NRXN3: variants seen among roughly 807,000 people sequenced by gnomAD.
NRXN3 encodes neurexin III.
In NRXN3, 32 loss-of-function variants were observed where a neutral mutation model predicts 137.6. The observed-to-expected ratio is 0.23, with a 90% CI of 0.18 to 0.31. The LOEUF (loss-of-function observed/expected upper bound fraction) is 0.31, where lower values mean the gene tolerates loss of function less well. NRXN3 is among the 10% of genes least tolerant of loss of function. NRXN3 has a pLI of 1.00. For missense variants in NRXN3, 1,574 were observed against 2,062.5 expected, an observed-to-expected ratio of 0.76 and a Z score of 4.59; for synonymous variants, 798 against 784.5, an observed-to-expected ratio of 1.02 and a Z score of -0.29.
chr14:78,891,773 T>G (rs2099159657), intron 10 of NRXN3, among the ~76,000 whole-genome samples: 2 of 152,048 alleles, frequency 1.3e-5, no homozygotes, highest in African/African-American at 4.8e-5. Context: ...TAAATATTCT[T>G]ACCATACACA....
At chr14:78,457,964 CG>C (rs941823934) in intron 4 of NRXN3, among the ~76,000 whole-genome samples, 2 of 152,110 alleles carry the variant, frequency 1.3e-5, no homozygotes, top group Non-Finnish European at 2.9e-5. Flanking sequence ...AGACACCCCC[CG>C]CTCCAGTTTA....
At chr14:78,387,209 A>T (rs1404230864) in intron 4 of NRXN3, among the ~76,000 whole-genome samples, 1 of 152,210 alleles carries the variant, frequency 6.6e-6, no homozygotes, top group Non-Finnish European at 1.5e-5. Context: ...CTAATTTAAT[A>T]TTGAAGGAAA....
intron 4 of NRXN3, among the ~76,000 whole-genome samples, chr14:78,302,643 G>A (rs987052172): frequency 5.3e-5 from 8 of 152,118 alleles, no homozygotes; most frequent in Non-Finnish European, 1.0e-4. Flanking sequence ...CCCCACTAAG[G>A]GAGGCACTTC....
intron 8 of NRXN3, among the ~76,000 whole-genome samples, chr14:78,727,913 C>T (rs963202371): frequency 7.2e-5 from 11 of 152,110 alleles, no homozygotes; most frequent in African/African-American, 1.9e-4. Flanking sequence ...ATGATTTTGA[C>T]GAGTGTCAGC....
chr14:79,373,976 C>T (rs867467778), intron 15 of NRXN3, among the ~76,000 whole-genome samples: 11 of 152,070 alleles, frequency 7.2e-5, no homozygotes, highest in African/African-American at 2.4e-4. Flanking sequence ...GAAAATGTCC[C>T]TCATGAGGTA....
intron 20 of NRXN3, among the ~76,000 whole-genome samples, chr14:79,849,862 A>G (rs1414998154): frequency 6.6e-6 from 1 of 152,126 alleles, no homozygotes; most frequent in Non-Finnish European, 1.5e-5. Context: ...CCCTTTTCTG[A>G]GCACCCTCCA....
chr14:79,111,760 G>A (rs1278485149), intron 15 of NRXN3, among the ~76,000 whole-genome samples: 1 of 150,924 alleles, frequency 6.6e-6, no homozygotes, highest in African/African-American at 2.4e-5. Flanking sequence ...AAGTTTATTA[G>A]CAAGTATAAA....
intron 6 of NRXN3, among the ~76,000 whole-genome samples, chr14:78,662,410 A>G (rs182458472): frequency 8.3e-4 from 126 of 152,210 alleles, no homozygotes; most frequent in Admixed American, 2.0e-3. Flanking sequence ...AATGTGGCCC[A>G]TATATCCTTA....
At chr14:79,140,446 G>A (rs990036812) in intron 15 of NRXN3, among the ~76,000 whole-genome samples, 1 of 152,132 alleles carries the variant, frequency 6.6e-6, no homozygotes, top group African/African-American at 2.4e-5. Flanking sequence ...CTTCCAATGA[G>A]GTTAGAATCA....
At chr14:78,430,154 C>T (rs77717597) in intron 4 of NRXN3, among the ~76,000 whole-genome samples, 11,001 of 152,260 alleles carry the variant, frequency 0.072, 1,144 homozygotes, top group African/African-American at 0.23. Context: ...GGGAAGACCA[C>T]ATGAGCCCAG....
chr14:78,831,156 G>A (rs368969590), intron 10 of NRXN3, among the ~76,000 whole-genome samples: 61 of 152,244 alleles, frequency 4.0e-4, no homozygotes, highest in African/African-American at 1.2e-3. Context: ...CCAAGGTCAC[G>A]TAACTTACTC....
chr14:79,165,389 CA>C (rs557766352), intron 15 of NRXN3, among the ~76,000 whole-genome samples: 47 of 151,978 alleles, frequency 3.1e-4, no homozygotes, highest in Non-Finnish European at 6.0e-4. Flanking sequence ...CTGTGAATCA[CA>C]AAGTTGTGGC....
At chr14:78,334,880 AGG>A (rs2081273030) in intron 4 of NRXN3, among the ~76,000 whole-genome samples, 1 of 152,144 alleles carries the variant, frequency 6.6e-6, no homozygotes, top group South Asian at 2.1e-4. Flanking sequence ...AACACCTACT[AGG>A]GCTGGACGGA....
intron 19 of NRXN3, among the ~76,000 whole-genome samples, chr14:79,761,803 C>A (rs529213542): frequency 1.3e-5 from 2 of 150,946 alleles, no homozygotes; most frequent in East Asian, 3.9e-4. Context: ...GAAGCTAAAT[C>A]TACTCATATA....
chr14:78,376,764 AG>A (rs2087927430), intron 4 of NRXN3, among the ~76,000 whole-genome samples: 1 of 152,224 alleles, frequency 6.6e-6, no homozygotes, highest in Non-Finnish European at 1.5e-5. Context: ...CCAGCTGAAT[AG>A]CCCAGAAATA....
chr14:79,613,368 G>T (rs905105562), intron 16 of NRXN3, among the ~76,000 whole-genome samples: 2 of 152,194 alleles, frequency 1.3e-5, no homozygotes, highest in African/African-American at 4.8e-5. Flanking sequence ...GATTTGCTCA[G>T]ATCTCAATCA....
chr14:79,219,242 C>T (rs1048599949), intron 15 of NRXN3, among the ~76,000 whole-genome samples: 1 of 152,108 alleles, frequency 6.6e-6, no homozygotes, highest in Non-Finnish European at 1.5e-5. Flanking sequence ...CCTGCCTCAG[C>T]CTCCTGAGGA....
At chr14:78,533,870 A>AT (rs1164094202) in intron 4 of NRXN3, among the ~76,000 whole-genome samples, 5 of 151,692 alleles carry the variant, frequency 3.3e-5, no homozygotes, top group East Asian at 1.9e-4. Context: ...CTGTTTTTGT[A>AT]TTTTTTTTCC....
At chr14:79,202,421 C>G (rs1460381162) in intron 15 of NRXN3, among the ~76,000 whole-genome samples, 17 of 151,854 alleles carry the variant, frequency 1.1e-4, no homozygotes, top group Admixed American at 1.1e-3. Flanking sequence ...GTACAGGTGG[C>G]ATTCGGTTAC....
Sources: gnomAD v4.1 joint callset for allele counts (sites outside exome capture counted in the v4.1 genomes callset) on GRCh38, gnomAD v4.1.1 for gene constraint, MANE v1.5 for transcripts, NCBI Gene and HGNC (gene_info 2026-07-23, HGNC 2026-07-21) for gene names.